The following ACADM variants were observed in gnomAD, a reference collection of about 807,000 sequenced individuals.
ACADM encodes the protein acyl-CoA dehydrogenase medium chain, also known as medium-chain specific acyl-CoA dehydrogenase, mitochondrial.
In ACADM, 49 loss-of-function variants were observed where a neutral mutation model predicts 58.9. That is an observed-to-expected ratio of 0.83 (90% confidence interval 0.66 to 1.06). ACADM has a LOEUF of 1.06. Ranked by LOEUF, ACADM falls within the 50% of genes least tolerant of loss-of-function variation. The probability of loss-of-function intolerance (pLI) is 0.00; values close to 1 mark genes in which losing one functional copy is unlikely to be tolerated. For missense variants in ACADM, 496 were observed against 507.0 expected (o/e 0.98, Z 0.21); for synonymous variants, 160 against 157.7 (o/e 1.01, Z -0.11).
intron 7 of ACADM, chr1:75,744,290 C>T: frequency 6.2e-7 from 1 of 1,613,604 alleles, no homozygotes; most frequent in South Asian, 1.1e-5. Flanking sequence ...GCTTTTGGGG[C>T]TGCAGCAGCA....
At chr1:75,729,856 A>G (rs1647119667) in intron 2 of ACADM, among the ~76,000 whole-genome samples, 2 of 144,726 alleles carry the variant, frequency 1.4e-5, no homozygotes, top group South Asian at 2.2e-4. Context: ...GTTTTCAAGC[A>G]CTGTGAGGAT....
chr1:75,759,202 C>G (rs1409156703), intron 10 of ACADM, among the ~76,000 whole-genome samples: 1 of 152,210 alleles, frequency 6.6e-6, no homozygotes, highest in African/African-American at 2.4e-5. Context: ...GGAACCAACT[C>G]TGGACACACT....
At position 75,732,632 on chromosome 1, in the gene ACADM, A is replaced by G. The variant is rs755318101; in HGVS notation, c.119-12A>G. The G allele has an allele frequency of 1.9e-6, 3 of 1,606,358 alleles. No individual in the cohort carries two copies. The highest frequency in any genetic ancestry group is 1.7e-6 in the Non-Finnish European group (2 of 1,173,124). ...TATCCAGTTTTAACTTTTCTAAATA[A>G]TTTTCCCTTAGAGTTCACCGAACAG... On this transcript the variant is annotated splice_polypyrimidine_tract_variant and intron_variant, in intron 2 of 11. Transcript: ENST00000370841.
At chr1:75,758,899 C>T (rs1648666252) in intron 10 of ACADM, among the ~76,000 whole-genome samples, 1 of 152,232 alleles carries the variant, frequency 6.6e-6, no homozygotes. Context: ...CCTGCAGCGG[C>T]AACCTGCTTT....
rs1301351864 is a variant in ACADM at position 75,730,473 on chromosome 1, C to G, written c.118+1985C>G. Among the ~76,000 whole-genome samples, 3 of 151,970 alleles carry G rather than the reference C, an allele frequency of 2.0e-5. No homozygotes were observed. The East Asian group carries it at 5.8e-4, about 29-fold the overall frequency. ...TAAATTATATGCTGTATTTAAAGCC[C>G]CTAGCACTTAGTGACTGGATCAAAG... On this transcript the variant is annotated intron_variant, in intron 2 of 11. Transcript: ENST00000370841.
At chr1:75,750,613 G>A (rs1648148194) in intron 10 of ACADM, 67 bp downstream of exon 10, 3 of 1,118,272 alleles carry the variant, frequency 2.7e-6, no homozygotes, top group Middle Eastern at 2.8e-4. Context: ...ATTTAGAAAT[G>A]ATTTTTAAAC....
intron 10 of ACADM, among the ~76,000 whole-genome samples, chr1:75,755,577 G>A (rs1388928302): frequency 6.6e-6 from 1 of 152,198 alleles, no homozygotes; most frequent in Admixed American, 6.5e-5. Flanking sequence ...CTAACAAACA[G>A]AAAGGACATT....
intron 10 of ACADM, among the ~76,000 whole-genome samples, chr1:75,759,327 G>C (rs114676914): frequency 0.02 from 3,023 of 152,306 alleles, 115 homozygotes; most frequent in African/African-American, 0.067. Flanking sequence ...TAGGGTTGGG[G>C]CTGAAACTCC....
chr1:75,737,279 AATATATATATATATATATAT>A lies in ACADM; in HGVS notation c.468+2437_468+2456del, dbSNP rs368688785. 4.8e-3 allele frequency among the ~76,000 whole-genome samples: 206 copies of A among 43,126 alleles called. 2 individuals are homozygous for A. The highest frequency in any genetic ancestry group is 0.01 in the African/African-American group (107 of 10,298). 28.3% of individuals were successfully genotyped at this position (43,126 alleles called of 152,430 possible). On this transcript the variant is annotated intron_variant, in intron 6 of 11. Transcript: ENST00000370841. Reference sequence around the variant, plus strand: ...GAGACTGCCACCACACACACACACAAATATATATATATATATATATATATATATATATATATATATATATA... The same window carrying A: ...GAGACTGCCACCACACACACACACAAATATATATATATATATATATATATA...
chr1:75,762,632 A>G lies in ACADM; in HGVS notation c.1195-60A>G, dbSNP rs945761265. The G allele has an allele frequency of 7.3e-6, 8 of 1,088,940 alleles. No individual in the cohort carries two copies. In the African/African-American group the frequency reaches 1.1e-4, roughly 15 times the overall value. 67.5% of individuals were successfully genotyped at this position (1,088,940 alleles called of 1,614,324 possible). The stretch of plus-strand genomic sequence containing the variant: ...GCTTATGCTACTGTCTAAAATGTTG[A>G]ATAAATCAAAGTATTTATGTACTAA... On this transcript the variant is annotated intron_variant, in intron 11 of 11. Coordinates refer to ENST00000370841, the MANE Select transcript of ACADM (RefSeq NM_000016.6).
chr1:75,729,885 A>ATTT (rs551916973), intron 2 of ACADM, among the ~76,000 whole-genome samples: 763 of 73,864 alleles, frequency 0.01, 185 homozygotes, highest in African/African-American at 0.039. Context: ...GGGATGGTGG[A>ATTT]TTTTTTTTTT....
At chr1:75,751,505 T>G (rs1224863228) in intron 10 of ACADM, among the ~76,000 whole-genome samples, 1 of 151,330 alleles carries the variant, frequency 6.6e-6, no homozygotes, top group Admixed American at 6.6e-5. Flanking sequence ...TTTTTTTTTT[T>G]GCGGGGGGTG....
intron 4 of ACADM, chr1:75,733,255 CCA>C: frequency 6.8e-7 from 1 of 1,474,418 alleles, no homozygotes; most frequent in Non-Finnish European, 9.1e-7. Flanking sequence ...TTCCTCAGAC[CCA>C]GTTTTAGAGT....
rs529530138 is a variant in ACADM, at chr1:75,726,663, C to T, written c.31-1738C>T. 2.6e-4 allele frequency among the ~76,000 whole-genome samples: 39 copies of T among 152,162 alleles called. 1 individual carries two copies. Among genetic ancestry groups the T allele is most frequent in the African/African-American group, 9.2e-4 (38 of 41,510 alleles). ...TTCTGAGCCTTCGTTTCTTCACATG[C>T]GAAAGTGGAATAAAAGTAATGGCTT... On this transcript the variant is annotated intron_variant, in intron 1 of 11. Transcript: ENST00000370841.
intron 10 of ACADM, among the ~76,000 whole-genome samples, chr1:75,757,227 G>A (rs929159891): frequency 5.0e-4 from 76 of 152,248 alleles, no homozygotes; most frequent in African/African-American, 1.7e-3. Context: ...TTAAACTCAA[G>A]AGTTTCTGCA....
At chr1:75,740,380 G>A (rs538763753) in intron 7 of ACADM, among the ~76,000 whole-genome samples, 2 of 152,242 alleles carry the variant, frequency 1.3e-5, no homozygotes, top group African/African-American at 4.8e-5. Context: ...CTAGCACTCT[G>A]TCTACTTGGC....
chr1:75,750,315 T>A, intron 9 of ACADM, 136 bp from the exon 10 acceptor site: 2 of 739,678 alleles, frequency 2.7e-6, no homozygotes, highest in Admixed American at 4.2e-5. Context: ...TACGTGCCTA[T>A]TCCCTGTTCC....
At chr1:75,753,077 C>T (rs949299261) in intron 10 of ACADM, among the ~76,000 whole-genome samples, 4 of 152,172 alleles carry the variant, frequency 2.6e-5, no homozygotes, top group African/African-American at 9.7e-5. Context: ...TGTCTCAAAA[C>T]AACAACAATA....
chr1:75,753,313 G>T (rs949224879), intron 10 of ACADM, among the ~76,000 whole-genome samples: 2 of 152,014 alleles, frequency 1.3e-5, no homozygotes, highest in African/African-American at 2.4e-5. Flanking sequence ...ATCCTGCTGA[G>T]CCCAAATCTG....
Sources: allele counts gnomAD v4.1 joint callset (sites outside exome capture counted in the v4.1 genomes callset), GRCh38; gene constraint gnomAD v4.1.1; transcripts MANE v1.5; gene names NCBI Gene and HGNC (gene_info 2026-07-23, HGNC 2026-07-21).